Variants in WWP2 observed in about 807,000 individuals in gnomAD.
The protein encoded by WWP2 is WW domain containing E3 ubiquitin protein ligase 2, also known as NEDD4-like E3 ubiquitin-protein ligase WWP2.
Under a neutral mutation model 121.0 loss-of-function variants are expected in WWP2, and 57 were observed. The ratio of observed to expected loss-of-function variants is 0.47; its 90% confidence interval spans 0.38 to 0.59. The LOEUF is 0.59. WWP2 is among the 20% of genes least tolerant of loss of function. WWP2 has a pLI of 0.00. For missense variants in WWP2, 962 were observed against 1,158.9 expected (o/e 0.83, Z 2.47); for synonymous variants, 449 against 441.3 (o/e 1.02, Z -0.22).
At chr16:69,905,302 G>T (rs1016892877) in intron 8 of WWP2, among the ~76,000 whole-genome samples, 1 of 152,200 alleles carries the variant, frequency 6.6e-6, no homozygotes, top group Admixed American at 6.5e-5. Flanking sequence ...TGGGGGGTGT[G>T]TAGAACCTCC....
At chr16:69,888,553 A>T (rs1254643937) in intron 8 of WWP2, among the ~76,000 whole-genome samples, 3 of 152,132 alleles carry the variant, frequency 2.0e-5, no homozygotes, top group Admixed American at 6.6e-5. Context: ...TCATTGGAGG[A>T]TGTTCGCCTA....
At chr16:69,933,916 A>C in intron 16 of WWP2, 54 bp from the exon 17 acceptor site, 4 of 1,580,992 alleles carry the variant, frequency 2.5e-6, no homozygotes, top group Non-Finnish European at 3.5e-6. Flanking sequence ...GCTCCTGTGC[A>C]GATGTGCACG....
chr16:69,856,799 CA>C (rs2057322275), intron 6 of WWP2, among the ~76,000 whole-genome samples: 1 of 151,576 alleles, frequency 6.6e-6, no homozygotes, highest in African/African-American at 2.4e-5. Flanking sequence ...AAAAAAAATA[CA>C]ACAACAACAA....
chr16:69,838,056 T>C (rs1243951681), intron 4 of WWP2, among the ~76,000 whole-genome samples: 1 of 151,538 alleles, frequency 6.6e-6, no homozygotes, highest in African/African-American at 2.4e-5. Context: ...ACCATGTCTC[T>C]ATAAAAAAAA....
intron 4 of WWP2, among the ~76,000 whole-genome samples, chr16:69,806,003 A>T (rs2056267120): frequency 6.6e-6 from 1 of 151,934 alleles, no homozygotes; most frequent in Admixed American, 6.6e-5. Context: ...TTGAGACCAG[A>T]CAGGGAAACA....
In WWP2 at chr16:69,871,878, G is replaced by A. The variant is rs1374545787; in HGVS notation, c.650G>A (p.Arg217Gln). Residue 217 changes from arginine to glutamine, a missense_variant, in exon 7 of 24, where the codon CGG becomes CAG. Arg to Gln is a conservative substitution (Grantham distance 43). Coordinates refer to ENST00000359154, the MANE Select transcript of WWP2 (RefSeq NM_001270454.2). ...TGEQSPGARS[R>Q]HRQPVKNSGH... is the part of the protein sequence containing the mutation. The stretch of plus-strand genomic sequence containing the variant: ...GAGCAAAGCCCCGGTGCTCGGAGCC[G>A]GCACCGCCAGCCCGTCAAGAACTCA... 14 of 1,613,934 alleles carry A rather than the reference G, an allele frequency of 8.7e-6. No homozygotes were observed. Among genetic ancestry groups the A allele is most frequent in the East Asian group, 6.7e-5 (3 of 44,896 alleles).
intron 1 of WWP2, among the ~76,000 whole-genome samples, chr16:69,764,355 C>T (rs144405595): frequency 2.2e-4 from 33 of 152,242 alleles, no homozygotes; most frequent in African/African-American, 7.9e-4. Flanking sequence ...TGGGTGCCAC[C>T]TCGCCTGGCT....
rs1316535354 is a variant in WWP2 at position 69,939,939 on chromosome 16, A to G, written c.2612A>G (p.Ter871=). The G allele has an allele frequency of 1.9e-6, 3 of 1,612,722 alleles. No individual in the cohort carries two copies. The highest frequency in any genetic ancestry group is 2.5e-6 in the Non-Finnish European group (3 of 1,179,510). ...GAGACCGAGGGCTTTGGACAGGAGTAACCGAGGCCGCCCCTCCCACGCCCC... is the reference window on the plus strand; with the variant it reads ...GAGACCGAGGGCTTTGGACAGGAGTGACCGAGGCCGCCCCTCCCACGCCCC... ...IEETEGFGQE[*] Residue 871 remains the stop codon, a stop_retained_variant, in exon 24 of 24, where the codon TAA becomes TGA. Transcript: ENST00000359154.
rs1179693255 is a variant in WWP2, at chr16:69,935,781, G to C, written c.1843-72G>C. Reference sequence around the variant, plus strand: ...GGTAGCGGTAGCAGAGTTTGATACCGAGCATCTGAGAGCTGGTCTTGGCAG... The same window carrying C: ...GGTAGCGGTAGCAGAGTTTGATACCCAGCATCTGAGAGCTGGTCTTGGCAG... On this transcript the variant is annotated intron_variant, in intron 17 of 23. Coordinates refer to ENST00000359154, the MANE Select transcript of WWP2 (RefSeq NM_001270454.2). The surrounding 1 kb of genome is among the most constrained non-coding windows in gnomAD (Gnocchi z 5.2). The C allele has an allele frequency of 6.5e-7, 1 of 1,539,184 alleles. No individual in the cohort carries two copies. The highest frequency in any genetic ancestry group is 8.7e-7 in the Non-Finnish European group (1 of 1,146,218).
In WWP2 at chr16:69,930,242, CCGGGGTTTGAGT is replaced by C; in HGVS notation, c.1436_1445+2del. The C allele has an allele frequency of 6.2e-7, 1 of 1,613,772 alleles. No homozygotes were observed. Among genetic ancestry groups the C allele is most frequent in the Non-Finnish European group, 8.5e-7 (1 of 1,179,866 alleles). ...CACCACCACCTTTAAGGATCCTCGCCCGGGGTTTGAGTCGGGGTAAGGACTTTGTGCAGGTAG... is the reference window on the plus strand; with the variant it reads ...CACCACCACCTTTAAGGATCCTCGCCCGGGGTAAGGACTTTGTGCAGGTAG... On this transcript the variant is annotated inframe_deletion, in exon 13 of 24. Transcript: ENST00000359154.
In WWP2 at chr16:69,799,670, C is replaced by A. The variant is rs188808554; in HGVS notation, c.340+375C>A. Among the ~76,000 whole-genome samples the A allele has an allele frequency of 6.6e-6, 1 of 152,266 alleles. No individual in the cohort carries two copies. Among genetic ancestry groups the A allele is most frequent in the Admixed American group, 6.5e-5 (1 of 15,276 alleles). ...TTCTAGCCTCAGCCCTAAAACAGAA[C>A]AAAGGAGCTGTGTGTATACGTATAT... On this transcript the variant is annotated intron_variant, in intron 4 of 23. Transcript: ENST00000359154. The surrounding 1 kb of genome is among the most constrained non-coding windows in gnomAD (Gnocchi z 4.5).
chr16:69,876,328 G>T, intron 7 of WWP2, among the ~76,000 whole-genome samples: 1 of 150,212 alleles, frequency 6.7e-6, no homozygotes, highest in African/African-American at 2.4e-5. Flanking sequence ...AAATGTATTT[G>T]GTTTTTTTGG....
At chr16:69,814,238 G>A (rs1017123874) in intron 4 of WWP2, among the ~76,000 whole-genome samples, 1 of 152,088 alleles carries the variant, frequency 6.6e-6, no homozygotes, top group Admixed American at 6.6e-5. Context: ...ATAGGTAACT[G>A]TAGCCTCGAA....
intron 10 of WWP2, among the ~76,000 whole-genome samples, chr16:69,918,728 C>T (rs756145419): frequency 6.6e-6 from 1 of 152,210 alleles, no homozygotes. Context: ...TCCATCTGGC[C>T]TGTTCCCCTC....
intron 11 of WWP2, among the ~76,000 whole-genome samples, chr16:69,928,583 C>G (rs2058670262): frequency 6.6e-6 from 1 of 152,054 alleles, no homozygotes; most frequent in Non-Finnish European, 1.5e-5. Context: ...ATGAACATTC[C>G]CCTGTCTCAA....
intron 2 of WWP2, among the ~76,000 whole-genome samples, chr16:69,789,311 C>G (rs1404105514): frequency 6.6e-6 from 1 of 152,066 alleles, no homozygotes; most frequent in Non-Finnish European, 1.5e-5. Context: ...CTCACTGTAA[C>G]CTCCGCCTCC....
chr16:69,765,732 G>T (rs770786265), intron 1 of WWP2, among the ~76,000 whole-genome samples: 2 of 152,180 alleles, frequency 1.3e-5, no homozygotes, highest in East Asian at 3.8e-4. Context: ...GCTGAGGCAC[G>T]AGAATTGCTT....
chr16:69,834,287 C>G (rs1050629047), intron 4 of WWP2, among the ~76,000 whole-genome samples: 15 of 152,160 alleles, frequency 9.9e-5, no homozygotes, highest in Middle Eastern at 3.2e-3. Context: ...TAGGCATGCT[C>G]TCTCACCTAG....
intron 6 of WWP2, among the ~76,000 whole-genome samples, chr16:69,848,637 TAAAAA>T (rs529487746): frequency 4.9e-5 from 4 of 81,910 alleles, no homozygotes; most frequent in South Asian, 4.3e-4. Context: ...ATGCTGTTGC[TAAAAA>T]AAAAAAAAAA....
Sources: gnomAD v4.1 joint callset for allele counts (sites outside exome capture counted in the v4.1 genomes callset) on GRCh38, gnomAD v4.1.1 for gene constraint, Gnocchi (gnomAD v3.1) non-coding constraint, MANE v1.5 for transcripts, NCBI Gene and HGNC (gene_info 2026-07-23, HGNC 2026-07-21) for gene names.